RASSF3: variants seen among roughly 807,000 people sequenced by gnomAD.
The protein encoded by RASSF3 is ras association domain-containing protein 3.
Under a neutral mutation model 19.9 loss-of-function variants are expected in RASSF3, and 19 were observed. The ratio of observed to expected loss-of-function variants is 0.96; its 90% CI spans 0.67 to 1.40. The LOEUF is 1.40. Ranked by LOEUF, RASSF3 falls within the 40% of genes most tolerant of loss-of-function variation. The pLI is 0.00. For missense variants in RASSF3, 306 were observed against 289.8 expected (o/e 1.06, Z -0.41); for synonymous variants, 110 against 104.2 (o/e 1.06, Z -0.34).
intron 2 of RASSF3, among the ~76,000 whole-genome samples, chr12:64,602,902 C>G (rs1870119447): frequency 6.6e-6 from 1 of 152,040 alleles, no homozygotes; most frequent in African/African-American, 2.4e-5. Flanking sequence ...AGTTTGAGAC[C>G]AGCCTCGCCA....
chr12:64,530,578 T>C (rs1224071550), upstream of RASSF3, among the ~76,000 whole-genome samples: 6 of 152,208 alleles, frequency 3.9e-5, no homozygotes, highest in Non-Finnish European at 8.8e-5. Context: ...ATTCTCTTGG[T>C]TAAATATGTA....
intron 2 of RASSF3, among the ~76,000 whole-genome samples, chr12:64,569,507 C>T (rs1410406135): frequency 4.6e-5 from 7 of 152,380 alleles, no homozygotes; most frequent in Admixed American, 2.6e-4. Flanking sequence ...CAACCAGTTC[C>T]TCCCAGCTCC....
upstream of RASSF3, among the ~76,000 whole-genome samples, chr12:64,610,317 G>A (rs538677505): frequency 7.9e-5 from 12 of 150,948 alleles, no homozygotes; most frequent in East Asian, 2.3e-3. Context: ...GCGCCTGGAA[G>A]GGGCGGGCCG....
chr12:64,519,399 C>T (rs776124677), intron 1 of RASSF3, among the ~76,000 whole-genome samples: 18 of 151,834 alleles, frequency 1.2e-4, no homozygotes, highest in African/African-American at 4.1e-4. Flanking sequence ...AGAGCAAGGC[C>T]GTCTCAAATA....
chr12:64,596,739 AT>A (rs543733869), intron 2 of RASSF3, among the ~76,000 whole-genome samples: 1 of 151,838 alleles, frequency 6.6e-6, no homozygotes, highest in Non-Finnish European at 1.5e-5. Flanking sequence ...ATATATATAT[AT>A]TTTTTTGAGA....
intron 2 of RASSF3, among the ~76,000 whole-genome samples, chr12:64,569,286 G>A (rs1019041866): frequency 6.6e-6 from 1 of 152,242 alleles, no homozygotes; most frequent in Non-Finnish European, 1.5e-5. Context: ...ATCTGGGCCA[G>A]AGCTCTTTGC....
intron 1 of RASSF3, among the ~76,000 whole-genome samples, chr12:64,663,061 G>A (rs538556347): frequency 2.0e-5 from 3 of 152,096 alleles, no homozygotes; most frequent in Non-Finnish European, 4.4e-5. Flanking sequence ...GAAGGGCCAC[G>A]TTCTTGGAAA....
chr12:64,604,566 A>T (rs1870153460), intron 2 of RASSF3, among the ~76,000 whole-genome samples: 1 of 152,106 alleles, frequency 6.6e-6, no homozygotes, highest in Admixed American at 6.6e-5. Flanking sequence ...GACCAAAGAG[A>T]ACAGCCGCTG....
upstream of RASSF3, among the ~76,000 whole-genome samples, chr12:64,530,022 G>A (rs750823078): frequency 5.3e-5 from 8 of 151,978 alleles, no homozygotes; most frequent in African/African-American, 9.7e-5. Context: ...TTGTAACCCC[G>A]GAAGTCATCA....
chr12:64,583,152 A>G (rs1463866956), intron 2 of RASSF3, among the ~76,000 whole-genome samples: 4 of 152,262 alleles, frequency 2.6e-5, no homozygotes, highest in African/African-American at 9.6e-5. Flanking sequence ...CACATGACAC[A>G]AAGTATTGAG....
chr12:64,623,953 T>A (rs79461001), intron 1 of RASSF3, among the ~76,000 whole-genome samples: 2,658 of 151,030 alleles, frequency 0.018, 128 homozygotes, highest in African/African-American at 0.062. Context: ...CCGGCCATAT[T>A]TCTGTTTTAG....
At chr12:64,639,928 G>C (rs1871457107) in intron 1 of RASSF3, among the ~76,000 whole-genome samples, 1 of 152,216 alleles carries the variant, frequency 6.6e-6, no homozygotes, top group Non-Finnish European at 1.5e-5. Context: ...GAGATCTTTT[G>C]AGGAAATGCA....
chr12:64,679,549 C>T (rs568238046), intron 1 of RASSF3, among the ~76,000 whole-genome samples: 243 of 152,104 alleles, frequency 1.6e-3, no homozygotes, highest in Middle Eastern at 3.4e-3. Context: ...GGGATTGGGC[C>T]GCACTTCTTG....
At chr12:64,553,899 C>A (rs959557145) in intron 2 of RASSF3, among the ~76,000 whole-genome samples, 1 of 151,044 alleles carries the variant, frequency 6.6e-6, no homozygotes, top group African/African-American at 2.4e-5. Flanking sequence ...ATTCCCTGAG[C>A]CTGGGAGGCC....
intron 1 of RASSF3, among the ~76,000 whole-genome samples, chr12:64,663,572 A>G (rs1227057272): frequency 2.6e-5 from 4 of 151,218 alleles, no homozygotes; most frequent in Non-Finnish European, 5.9e-5. Flanking sequence ...CCCAGGCTGG[A>G]GTGCAGTGGT....
intron 1 of RASSF3, among the ~76,000 whole-genome samples, chr12:64,627,209 A>C (rs1383120725): frequency 2.0e-5 from 3 of 152,234 alleles, no homozygotes; most frequent in Non-Finnish European, 4.4e-5. Context: ...ACACATTCTC[A>C]GTCGACTGTA....
intron 2 of RASSF3, among the ~76,000 whole-genome samples, chr12:64,567,768 A>C (rs1465499333): frequency 1.3e-5 from 2 of 152,196 alleles, no homozygotes; most frequent in Non-Finnish European, 2.9e-5. Flanking sequence ...GGCCTGGGAG[A>C]TGTGGCTCCA....
chr12:64,611,997 G>A (rs1870384088), intron 1 of RASSF3, among the ~76,000 whole-genome samples: 1 of 152,138 alleles, frequency 6.6e-6, no homozygotes, highest in African/African-American at 2.4e-5. Context: ...TGCCATAGTT[G>A]TCCGTCTTGT....
chr12:64,569,483 G>A (rs901402253), intron 2 of RASSF3, among the ~76,000 whole-genome samples: 3 of 152,180 alleles, frequency 2.0e-5, no homozygotes, highest in African/African-American at 7.2e-5. Flanking sequence ...TCTCCCGAAC[G>A]TTGCCATGAG....
Sources: gnomAD v4.1 joint callset for allele counts (sites outside exome capture counted in the v4.1 genomes callset) on GRCh38, gnomAD v4.1.1 for gene constraint, MANE v1.5 for transcripts, NCBI Gene and HGNC (gene_info 2026-07-23, HGNC 2026-07-21) for gene names.